Variants in GPHN observed in about 807,000 individuals in gnomAD.
The protein encoded by GPHN is gephyrin.
A neutral mutation model predicts 95.5 loss-of-function variants in GPHN; 17 were observed. The observed-to-expected ratio is 0.18, with a 90% confidence interval of 0.12 to 0.27. GPHN has a LOEUF of 0.27. GPHN is among the 10% of genes least tolerant of loss of function. The pLI, the probability that GPHN is intolerant of heterozygous loss-of-function variation, is 1.00. For synonymous variants in GPHN, 320 were observed against 322.5 expected (o/e 0.99, Z 0.08); for missense variants, 660 against 978.1 (o/e 0.67, Z 4.34).
chr14:67,169,337 C>T (rs2082466195), intron 21 of GPHN, among the ~76,000 whole-genome samples: 1 of 152,188 alleles, frequency 6.6e-6, no homozygotes. Flanking sequence ...ATATCTGGCT[C>T]TACCCTAACA....
the GPHN span, among the ~76,000 whole-genome samples, chr14:67,639,301 A>T: frequency 6.6e-6 from 1 of 152,098 alleles, no homozygotes; most frequent in Non-Finnish European, 1.5e-5. Context: ...TATCCACTGG[A>T]TTGAGCACTT....
chr14:67,562,668 T>C, the GPHN span: 1 of 1,612,546 alleles, frequency 6.2e-7, no homozygotes, highest in Non-Finnish European at 8.5e-7. Flanking sequence ...GGCCGTGTGG[T>C]GAACATTGAG....
chr14:67,574,393 G>T, the GPHN span: 1 of 1,572,154 alleles, frequency 6.4e-7, no homozygotes. This position sits in a 1 kb window ranked among gnomAD's most constrained non-coding sequence, Gnocchi z 4.2. Context: ...GTGAAGGGCT[G>T]GCTGACCAAG....
chr14:67,465,321 A>G, the GPHN span, among the ~76,000 whole-genome samples: 1 of 128,710 alleles, frequency 7.8e-6, no homozygotes, highest in Non-Finnish European at 1.9e-5. Flanking sequence ...GAAGGCCCAG[A>G]GGCAGTGAAC....
chr14:66,658,533 A>G (rs912385789), intron 1 of GPHN, among the ~76,000 whole-genome samples: 2 of 152,170 alleles, frequency 1.3e-5, no homozygotes, highest in East Asian at 3.8e-4. Flanking sequence ...TTCTGTTGCA[A>G]CCACCACCAT....
chr14:67,646,579 C>A, the GPHN span: 1 of 1,338,520 alleles, frequency 7.5e-7, no homozygotes, highest in South Asian at 1.2e-5. Flanking sequence ...CACGGACGCA[C>A]ATGATAATGA....
intron 10 of GPHN, among the ~76,000 whole-genome samples, chr14:67,030,604 AG>A (rs2074148263): frequency 6.6e-6 from 1 of 152,208 alleles, no homozygotes; most frequent in South Asian, 2.1e-4. Flanking sequence ...CTTATCCTAC[AG>A]TTCTTTCAGG....
chr14:67,415,265 CTTT>C, the GPHN span, among the ~76,000 whole-genome samples: 1 of 150,744 alleles, frequency 6.6e-6, no homozygotes, highest in Non-Finnish European at 1.5e-5. Flanking sequence ...TGAACCCTGC[CTTT>C]TTTTTTAACT....
intron 9 of GPHN, among the ~76,000 whole-genome samples, chr14:66,972,045 G>T (rs1043362170): frequency 9.9e-5 from 15 of 151,746 alleles, no homozygotes; most frequent in Middle Eastern, 3.4e-3. Context: ...AGGCAGGCGG[G>T]TCACTTGAGG....
intron 1 of GPHN, among the ~76,000 whole-genome samples, chr14:66,679,601 C>T (rs2066820361): frequency 6.6e-6 from 1 of 152,170 alleles, no homozygotes. Context: ...TTAATTCCCA[C>T]ATATCTCTTA....
chr14:66,593,407 C>A (rs910237569), intron 1 of GPHN, among the ~76,000 whole-genome samples: 19 of 151,956 alleles, frequency 1.3e-4, no homozygotes, highest in African/African-American at 3.6e-4. Flanking sequence ...AGGAAACTTA[C>A]AATTATGGCA....
At chr14:67,268,065 A>G in the GPHN span, among the ~76,000 whole-genome samples, 1 of 152,266 alleles carries the variant, frequency 6.6e-6, no homozygotes, top group Non-Finnish European at 1.5e-5. Flanking sequence ...TGATTTTTAC[A>G]GATAAAAACA....
chr14:67,679,230 C>T, the GPHN span, among the ~76,000 whole-genome samples: 1 of 152,094 alleles, frequency 6.6e-6, no homozygotes, highest in Non-Finnish European at 1.5e-5. Context: ...GAGATAATGG[C>T]ATTAAACCAT....
At chr14:66,862,871 A>G (rs1417211321) in intron 4 of GPHN, among the ~76,000 whole-genome samples, 2 of 152,154 alleles carry the variant, frequency 1.3e-5, no homozygotes, top group Non-Finnish European at 2.9e-5. Flanking sequence ...CTGGTATCAT[A>G]GTGAAATGGG....
chr14:67,217,239 G>T, the GPHN span, among the ~76,000 whole-genome samples: 22 of 151,448 alleles, frequency 1.5e-4, no homozygotes, highest in African/African-American at 5.3e-4. Flanking sequence ...GCTTGACTTT[G>T]GTTTCCATTT....
chr14:66,760,808 T>G, intron 2 of GPHN: 2 of 518,660 alleles, frequency 3.9e-6, no homozygotes, highest in Non-Finnish European at 7.5e-6. Flanking sequence ...ATTGATGCAA[T>G]GAAGAGAGTT....
rs548986307 is a variant in GPHN at position 67,102,177 on chromosome 14, A to G, written c.1293+1266A>G. Reference sequence around the variant, plus strand: ...GTGAGCCACCGCGCCCGGCCTGGCCATTGTTATGTTTAAGAGGAAATAGCA... The same window carrying G: ...GTGAGCCACCGCGCCCGGCCTGGCCGTTGTTATGTTTAAGAGGAAATAGCA... On this transcript the variant is annotated intron_variant, in intron 13 of 22. Coordinates refer to ENST00000478722, the MANE Select transcript of GPHN (RefSeq NM_020806.5). Among the ~76,000 whole-genome samples the G allele has an allele frequency of 3.3e-5, 5 of 151,490 alleles. No homozygotes were observed. The South Asian group carries it at 8.4e-4, about 26-fold the overall frequency.
chr14:67,621,869 G>C, the GPHN span, among the ~76,000 whole-genome samples: 1 of 151,734 alleles, frequency 6.6e-6, no homozygotes, highest in African/African-American at 2.4e-5. Flanking sequence ...GGCCAAGGTG[G>C]GTGGATCACC....
At chr14:67,465,017 C>A in the GPHN span, among the ~76,000 whole-genome samples, 3 of 152,262 alleles carry the variant, frequency 2.0e-5, no homozygotes, top group African/African-American at 4.8e-5. Context: ...ACACAGGAAT[C>A]TGTCTTGCTC....
Sources: gnomAD v4.1 joint callset for allele counts (sites outside exome capture counted in the v4.1 genomes callset) on GRCh38, gnomAD v4.1.1 for gene constraint, Gnocchi (gnomAD v3.1) non-coding constraint, MANE v1.5 for transcripts, NCBI Gene and HGNC (gene_info 2026-07-23, HGNC 2026-07-21) for gene names.